GRID2: variants seen among roughly 807,000 people sequenced by gnomAD.
The protein encoded by GRID2 is glutamate receptor ionotropic, delta-2.
Under a neutral mutation model 114.8 loss-of-function variants are expected in GRID2, and 33 were observed. The ratio of observed to expected loss-of-function variants is 0.29; its 90% CI spans 0.22 to 0.38. The LOEUF (loss-of-function observed/expected upper bound fraction) is 0.38, where lower values mean the gene tolerates loss of function less well. Ranked by LOEUF, GRID2 falls within the 10% of genes least tolerant of loss-of-function variation. The probability of loss-of-function intolerance (pLI) is 1.00; values close to 1 mark genes in which losing one functional copy is unlikely to be tolerated. For missense variants in GRID2, 1,184 were observed against 1,257.7 expected, an observed-to-expected ratio of 0.94 and a Z score of 0.89; for synonymous variants, 505 against 449.9, an observed-to-expected ratio of 1.12 and a Z score of -1.55.
intron 8 of GRID2, among the ~76,000 whole-genome samples, chr4:93,338,109 G>A (rs919384145): frequency 1.3e-5 from 2 of 152,056 alleles, no homozygotes; most frequent in East Asian, 3.9e-4. Flanking sequence ...AAATGATGAA[G>A]TATATGTCTA....
At chr4:92,486,578 C>A (rs570725222) in intron 1 of GRID2, among the ~76,000 whole-genome samples, 44 of 151,226 alleles carry the variant, frequency 2.9e-4, no homozygotes, top group African/African-American at 1.0e-3. Flanking sequence ...CACACACACA[C>A]ACACACACAC....
intron 13 of GRID2, among the ~76,000 whole-genome samples, chr4:93,589,880 G>C (rs1035624564): frequency 5.9e-5 from 9 of 151,478 alleles, no homozygotes; most frequent in Non-Finnish European, 1.3e-4. Flanking sequence ...CATGTCCTTT[G>C]CCCACTTGTT....
chr4:93,736,048 ACTG>A (rs1469551943), intron 14 of GRID2, among the ~76,000 whole-genome samples: 1 of 151,956 alleles, frequency 6.6e-6, no homozygotes, highest in Non-Finnish European at 1.5e-5. Context: ...AAGTACCAAG[ACTG>A]TATTTCTGTT....
At chr4:92,862,262 C>A (rs1744581230) in intron 2 of GRID2, among the ~76,000 whole-genome samples, 1 of 151,874 alleles carries the variant, frequency 6.6e-6, no homozygotes, top group Admixed American at 6.6e-5. Flanking sequence ...TTTTGCTACC[C>A]CCAAATCAAG....
At chr4:93,284,792 A>G (rs1175335076) in intron 8 of GRID2, among the ~76,000 whole-genome samples, 1 of 117,954 alleles carries the variant, frequency 8.5e-6, no homozygotes, top group African/African-American at 2.8e-5. Flanking sequence ...TAGAATAATA[A>G]AGAACATATT....
intron 2 of GRID2, among the ~76,000 whole-genome samples, chr4:92,873,758 A>G (rs1430671434): frequency 1.3e-5 from 2 of 152,118 alleles, no homozygotes; most frequent in Non-Finnish European, 2.9e-5. Context: ...TTTGTTGCCC[A>G]GGCTGGAGTG....
rs753477659 is a variant in GRID2 at position 93,035,221 on chromosome 4, A to G, written c.245-49774A>G. Among the ~76,000 whole-genome samples the G allele has an allele frequency of 2.1e-4, 31 of 150,606 alleles. 1 individual carries two copies. Among genetic ancestry groups the G allele is most frequent in the Non-Finnish European group, 4.4e-4 (30 of 67,814 alleles). ...CCTGGGTTCAAGTGATCCTCCTATCACAGCCTCCCAAGTAGCTGGGACTAC... is the reference window on the plus strand; with the variant it reads ...CCTGGGTTCAAGTGATCCTCCTATCGCAGCCTCCCAAGTAGCTGGGACTAC... On this transcript the variant is annotated intron_variant, in intron 2 of 15. Transcript: ENST00000282020.
At chr4:92,596,286 C>T (rs1348830040) in intron 2 of GRID2, among the ~76,000 whole-genome samples, 1 of 152,090 alleles carries the variant, frequency 6.6e-6, no homozygotes, top group African/African-American at 2.4e-5. Flanking sequence ...TTCATTCCTA[C>T]TTTCCTTCCC....
At chr4:92,902,639 G>A (rs1013204928) in intron 2 of GRID2, among the ~76,000 whole-genome samples, 2 of 151,990 alleles carry the variant, frequency 1.3e-5, no homozygotes, top group Admixed American at 6.6e-5. Flanking sequence ...TTACATTTAA[G>A]TCTTTAATCC....
At chr4:93,509,318 G>A (rs1728942798) in intron 12 of GRID2, among the ~76,000 whole-genome samples, 1 of 152,168 alleles carries the variant, frequency 6.6e-6, no homozygotes, top group South Asian at 2.1e-4. Flanking sequence ...AGAACTTGAT[G>A]AGAGTAGATG....
chr4:92,458,597 C>T (rs570757801), intron 1 of GRID2, among the ~76,000 whole-genome samples: 1 of 152,176 alleles, frequency 6.6e-6, no homozygotes, highest in East Asian at 1.9e-4. Flanking sequence ...GTGACAGGAA[C>T]AAACAACAAA....
intron 14 of GRID2, among the ~76,000 whole-genome samples, chr4:93,699,650 T>C (rs1478766508): frequency 6.6e-6 from 1 of 152,106 alleles, no homozygotes; most frequent in Non-Finnish European, 1.5e-5. Context: ...TAGTTCTGTC[T>C]TCAGTTGTGT....
chr4:92,811,710 T>C (rs1740668731), intron 2 of GRID2, among the ~76,000 whole-genome samples: 1 of 152,102 alleles, frequency 6.6e-6, no homozygotes, highest in Non-Finnish European at 1.5e-5. Context: ...TTTTATAATA[T>C]AATTTTATTG....
intron 2 of GRID2, among the ~76,000 whole-genome samples, chr4:92,793,372 T>G (rs578039987): frequency 6.6e-6 from 1 of 151,834 alleles, no homozygotes; most frequent in East Asian, 2.0e-4. Context: ...CAGTAACAGT[T>G]GAAGTGTTTG....
At position 92,750,282 on chromosome 4, in the gene GRID2, T is replaced by C. The variant is rs541356686; in HGVS notation, c.244+159996T>C. Among the ~76,000 whole-genome samples, 91 of 152,312 alleles carry C rather than the reference T, an allele frequency of 6.0e-4. 1 individual carries two copies. Among genetic ancestry groups the C allele is most frequent in the Admixed American group, 5.7e-3 (87 of 15,298 alleles). ...AGTATCTGTTACTATCTCATTCAGCTAGAAATACTTCCTCCAAACAGGTCC... is the reference window on the plus strand; with the variant it reads ...AGTATCTGTTACTATCTCATTCAGCCAGAAATACTTCCTCCAAACAGGTCC... On this transcript the variant is annotated intron_variant, in intron 2 of 15. Coordinates refer to ENST00000282020, the MANE Select transcript of GRID2 (RefSeq NM_001510.4).
chr4:93,072,366 C>T (rs1253862654), intron 2 of GRID2, among the ~76,000 whole-genome samples: 1 of 152,102 alleles, frequency 6.6e-6, no homozygotes, highest in Non-Finnish European at 1.5e-5. Context: ...TTTTTATGAA[C>T]TCATAAAGGC....
At chr4:92,768,026 TAAA>T (rs993846463) in intron 2 of GRID2, among the ~76,000 whole-genome samples, 13 of 152,148 alleles carry the variant, frequency 8.5e-5, no homozygotes, top group African/African-American at 3.1e-4. Flanking sequence ...TTTGTGTACT[TAAA>T]AAATCATAAA....
rs187099124 is a variant in GRID2 at position 92,571,488 on chromosome 4, A to G, written c.89-18643A>G. On this transcript the variant is annotated intron_variant, in intron 1 of 15. Transcript: ENST00000282020. The stretch of plus-strand genomic sequence containing the variant: ...AGACAGATCAATGAGACAGAAAGTT[A>G]ACAAGGATATCCAGGAATTGAACTC... Among the ~76,000 whole-genome samples the G allele has an allele frequency of 1.4e-3, 214 of 151,904 alleles. No individual in the cohort carries two copies. In the East Asian group the frequency reaches 0.031, roughly 22 times the overall value.
chr4:92,531,011 C>G (rs1725327270), intron 1 of GRID2, among the ~76,000 whole-genome samples: 3 of 151,700 alleles, frequency 2.0e-5, no homozygotes, highest in African/African-American at 7.3e-5. Context: ...TGAATGTTAC[C>G]TAAAAAGTCC....
Sources: gnomAD v4.1 joint callset for allele counts (sites outside exome capture counted in the v4.1 genomes callset) on GRCh38, gnomAD v4.1.1 for gene constraint, MANE v1.5 for transcripts, NCBI Gene and HGNC (gene_info 2026-07-23, HGNC 2026-07-21) for gene names.